Variants in BNC2 observed in about 807,000 individuals in gnomAD.
The protein encoded by BNC2 is basonuclin zinc finger protein 2.
A neutral mutation model predicts 76.3 loss-of-function variants in BNC2; 20 were observed. That is an observed-to-expected ratio of 0.26 (90% CI 0.18 to 0.38). BNC2 has a LOEUF of 0.38. BNC2 is among the 10% of genes least tolerant of loss of function. The pLI is 1.00. For synonymous variants in BNC2, 582 were observed against 514.8 expected, an observed-to-expected ratio of 1.13 and a Z score of -1.77; for missense variants, 1,382 against 1,399.8, an observed-to-expected ratio of 0.99 and a Z score of 0.20.
intron 1 of BNC2, among the ~76,000 whole-genome samples, chr9:16,747,410 G>A (rs1825042041): frequency 6.6e-6 from 1 of 152,208 alleles, no homozygotes; most frequent in African/African-American, 2.4e-5. Flanking sequence ...GAAGGGCACA[G>A]AGTCAAGGAG....
At chr9:16,568,731 T>A (rs1314069413) in intron 4 of BNC2, among the ~76,000 whole-genome samples, 6 of 152,082 alleles carry the variant, frequency 3.9e-5, no homozygotes, top group Non-Finnish European at 8.8e-5. Flanking sequence ...GGGAGAACAT[T>A]AATATAGGGC....
chr9:16,692,361 C>A (rs2134436209), intron 3 of BNC2, among the ~76,000 whole-genome samples: 1 of 152,276 alleles, frequency 6.6e-6, no homozygotes, highest in East Asian at 1.9e-4. Context: ...TCTAGCTTTG[C>A]AATTAGATCT....
intron 3 of BNC2, among the ~76,000 whole-genome samples, chr9:16,622,449 A>T (rs1820890293): frequency 6.6e-6 from 1 of 152,200 alleles, no homozygotes; most frequent in Admixed American, 6.5e-5. Flanking sequence ...GTGGATGTGG[A>T]TTAACAAAGC....
chr9:16,821,538 T>C (rs1818329760), intron 1 of BNC2, among the ~76,000 whole-genome samples: 1 of 152,210 alleles, frequency 6.6e-6, no homozygotes, highest in Admixed American at 6.5e-5. Context: ...AAACATGCCC[T>C]GGCAGTCAGT....
rs763866782 is a variant in BNC2 at position 16,552,577 on chromosome 9, C to T, written c.622G>A (p.Gly208Ser). The T allele has an allele frequency of 9.9e-6, 16 of 1,614,130 alleles. No individual in the cohort carries two copies. The highest frequency in any genetic ancestry group is 6.6e-5 in the South Asian group (6 of 91,092). Reference sequence around the variant, plus strand: ...TAGTCCCGCAGAGTCCAGCCAAGGCCGTGCAGTATGTGCAGTACCTCCTCT... The same window carrying T: ...TAGTCCCGCAGAGTCCAGCCAAGGCTGTGCAGTATGTGCAGTACCTCCTCT... ...KQEEVLHILH[G>S]LGWTLRDYVR... Residue 208 changes from glycine (G) to serine (S), a missense_variant, in exon 5 of 7, where the codon GGC becomes AGC. Physicochemically the swap from Gly to Ser is moderately conservative, Grantham distance 56. This residue lies in a region of BNC2 where 557 missense variants were observed against 540.9 expected (regional missense o/e 1.03). Transcript: ENST00000380672.
chr9:16,439,002 G>C (rs149704219), intron 5 of BNC2, among the ~76,000 whole-genome samples: 281 of 152,210 alleles, frequency 1.8e-3, no homozygotes, highest in African/African-American at 6.4e-3. Flanking sequence ...ATGGGGGTGA[G>C]TCTTTCCCGT....
At chr9:16,422,099 C>T (rs938057668) in intron 6 of BNC2, among the ~76,000 whole-genome samples, 2 of 152,198 alleles carry the variant, frequency 1.3e-5, no homozygotes, top group Non-Finnish European at 1.5e-5. Flanking sequence ...CACATCTTCC[C>T]TAAGATGACT....
At chr9:16,481,319 C>T (rs545853390) in intron 5 of BNC2, among the ~76,000 whole-genome samples, 56 of 152,226 alleles carry the variant, frequency 3.7e-4, no homozygotes, top group Admixed American at 2.3e-3. Context: ...GCAACCCGCT[C>T]GGGTCCCCTT....
intron 3 of BNC2, among the ~76,000 whole-genome samples, chr9:16,650,213 G>A (rs1451318492): frequency 1.3e-5 from 2 of 152,170 alleles, no homozygotes; most frequent in African/African-American, 4.8e-5. Flanking sequence ...ACTGTCTGCA[G>A]GTATTCTTAA....
chr9:16,855,852 CTTTT>C (rs1381115978), intron 1 of BNC2, among the ~76,000 whole-genome samples: 1 of 151,966 alleles, frequency 6.6e-6, no homozygotes, highest in Non-Finnish European at 1.5e-5. Flanking sequence ...CCGGCCACAT[CTTTT>C]TTATTTTTAC....
intron 1 of BNC2, among the ~76,000 whole-genome samples, chr9:16,776,394 C>T (rs1825969124): frequency 6.6e-6 from 1 of 152,164 alleles, no homozygotes; most frequent in South Asian, 2.1e-4. Flanking sequence ...CCCACCTCAG[C>T]CTCCAAAAGT....
chr9:16,528,902 T>A (rs535816146), intron 5 of BNC2, among the ~76,000 whole-genome samples: 1 of 152,200 alleles, frequency 6.6e-6, no homozygotes, highest in Admixed American at 6.5e-5. Context: ...TAGTGGCTTA[T>A]AACAATGGAA....
At chr9:16,656,203 G>A (rs775798427) in intron 3 of BNC2, among the ~76,000 whole-genome samples, 1 of 152,156 alleles carries the variant, frequency 6.6e-6, no homozygotes, top group African/African-American at 2.4e-5. Flanking sequence ...GTGTGTAGGT[G>A]CTCAGGGAAC....
intron 3 of BNC2, among the ~76,000 whole-genome samples, chr9:16,606,121 G>A (rs1388369727): frequency 6.6e-6 from 1 of 152,044 alleles, no homozygotes; most frequent in East Asian, 1.9e-4. Context: ...TCAATTATGA[G>A]CAACATTTGA....
chr9:16,819,099 A>C (rs888760860), intron 1 of BNC2, among the ~76,000 whole-genome samples: 3 of 152,254 alleles, frequency 2.0e-5, no homozygotes, highest in Non-Finnish European at 4.4e-5. Flanking sequence ...TCATGAATTA[A>C]GAAGTGAGGT....
intron 3 of BNC2, among the ~76,000 whole-genome samples, chr9:16,612,785 G>A (rs2133448643): frequency 6.6e-6 from 1 of 152,244 alleles, no homozygotes; most frequent in South Asian, 2.1e-4. Context: ...GAGGTAATGA[G>A]AAAAAGCTTA....
chr9:16,445,199 G>C (rs1452988814), intron 5 of BNC2, among the ~76,000 whole-genome samples: 3 of 152,158 alleles, frequency 2.0e-5, no homozygotes, highest in Non-Finnish European at 4.4e-5. Flanking sequence ...AAAGAACTTG[G>C]CATGTTTATT....
At chr9:16,535,158 T>G (rs1213459035) in intron 5 of BNC2, among the ~76,000 whole-genome samples, 2 of 152,170 alleles carry the variant, frequency 1.3e-5, no homozygotes, top group Non-Finnish European at 2.9e-5. Context: ...AAATCCAAAC[T>G]TTTGGGTTTA....
At chr9:16,647,019 C>T (rs1461860443) in intron 3 of BNC2, among the ~76,000 whole-genome samples, 1 of 152,120 alleles carries the variant, frequency 6.6e-6, no homozygotes, top group Non-Finnish European at 1.5e-5. Flanking sequence ...AAAAGTATTA[C>T]ATGTGGGGGA....
Sources: allele counts gnomAD v4.1 joint callset (sites outside exome capture counted in the v4.1 genomes callset), GRCh38; gene constraint gnomAD v4.1.1; regional missense constraint gnomAD v4.1.1; transcripts MANE v1.5; gene names NCBI Gene and HGNC (gene_info 2026-07-23, HGNC 2026-07-21).